The following MYRF variants were observed in gnomAD, a reference collection of about 807,000 sequenced individuals.
MYRF encodes the protein myelin regulatory factor, also known as myelin gene regulatory factor.
MYRF carries 16 observed loss-of-function variants against 126.3 expected under a neutral mutation model. That is an observed-to-expected ratio of 0.13 (90% confidence interval 0.09 to 0.19). MYRF has a LOEUF of 0.19. MYRF is among the 10% of genes least tolerant of loss of function. The probability of loss-of-function intolerance (pLI) is 1.00; values close to 1 mark genes in which losing one functional copy is unlikely to be tolerated. For missense variants in MYRF, 1,104 were observed against 1,547.0 expected (o/e 0.71, Z 4.80); for synonymous variants, 608 against 635.3 (o/e 0.96, Z 0.65).
chr11:61,775,372 C>T (rs2066348040), intron 8 of MYRF, among the ~76,000 whole-genome samples: 1 of 152,228 alleles, frequency 6.6e-6, no homozygotes, highest in East Asian at 1.9e-4. Context: ...GATGCCCTTC[C>T]CAACACCCAT....
chr11:61,773,545 A>G (rs1188041770), intron 7 of MYRF, among the ~76,000 whole-genome samples: 2 of 152,188 alleles, frequency 1.3e-5, no homozygotes, highest in Non-Finnish European at 2.9e-5. Flanking sequence ...CAGGGCAACT[A>G]GCTGTCAGGC....
intron 1 of MYRF, chr11:61,755,609 G>T: frequency 1.2e-6 from 1 of 855,550 alleles, no homozygotes; most frequent in Non-Finnish European, 2.0e-6. Context: ...AAGAGCTCTT[G>T]CCCTCTTTAA....
chr11:61,763,287 G>A (rs1332269529), intron 1 of MYRF, among the ~76,000 whole-genome samples: 1 of 152,168 alleles, frequency 6.6e-6, no homozygotes, highest in Non-Finnish European at 1.5e-5. Flanking sequence ...AACAGGGGAT[G>A]GTGATTATGT....
intron 5 of MYRF, among the ~76,000 whole-genome samples, chr11:61,770,985 A>T (rs2066203800): frequency 6.6e-6 from 1 of 152,206 alleles, no homozygotes; most frequent in Admixed American, 6.5e-5. Context: ...TGGAGATTCC[A>T]TGAAAGGTTT....
chr11:61,760,733 T>G (rs892619890), intron 1 of MYRF, among the ~76,000 whole-genome samples: 5 of 152,134 alleles, frequency 3.3e-5, no homozygotes, highest in African/African-American at 1.2e-4. Flanking sequence ...TAAGGTTCAC[T>G]CCATGGCAGG....
Position 61,783,400 on chromosome 11 carries a change from C to T in MYRF, c.3017-98C>T, listed in dbSNP as rs1005478403. On this transcript the variant is annotated intron_variant, in intron 22 of 26. Coordinates refer to ENST00000278836, the MANE Select transcript of MYRF (RefSeq NM_001127392.3). This position sits in a 1 kb window ranked among gnomAD's most constrained non-coding sequence, Gnocchi z 4.6. ...GGAAAAAAATAACCTGGAACTTATT[C>T]ATACTAAGGTGTGAGTGACTGCTTC... 2.3e-6 allele frequency: 2 copies of T among 885,876 alleles called. No individual in the cohort carries two copies. The highest frequency in any genetic ancestry group is 3.7e-6 in the Non-Finnish European group (2 of 547,434). 54.9% of individuals were successfully genotyped at this position (885,876 alleles called of 1,614,324 possible).
chr11:61,769,579 C>T lies in MYRF; in HGVS notation c.460+258C>T, dbSNP rs73487440. ...GCGCCATCATGGACGCACCCTTCGG[C>T]GGTAAGTGGGTGGCTGGGGAAGGCC... is the stretch of plus-strand genomic sequence containing the variant. On this transcript the variant is annotated intron_variant, in intron 4 of 26. Transcript: ENST00000278836. Among the ~76,000 whole-genome samples the T allele has an allele frequency of 4.8e-3, 730 of 152,288 alleles. 8 individuals are homozygous for T. Among genetic ancestry groups the T allele is most frequent in the African/African-American group, 0.017 (687 of 41,566 alleles).
intron 8 of MYRF, 72 bp downstream of exon 8, chr11:61,774,234 G>A (rs2066310592): frequency 7.2e-7 from 1 of 1,384,668 alleles, no homozygotes; most frequent in South Asian, 1.4e-5. Flanking sequence ...CCCAGAAAAA[G>A]CAAGCGTTGG....
At chr11:61,766,367 G>A (rs1221352123) in intron 3 of MYRF, 146 bp downstream of exon 3, 1 of 868,158 alleles carries the variant, frequency 1.2e-6, no homozygotes. Flanking sequence ...TGAGGGAAGG[G>A]AGGATGAGTC....
At position 61,776,503 on chromosome 11, in the gene MYRF, C is replaced by T. The variant is rs909561013; in HGVS notation, c.1499+71C>T. On this transcript the variant is annotated intron_variant, in intron 10 of 26. Coordinates refer to ENST00000278836, the MANE Select transcript of MYRF (RefSeq NM_001127392.3). The surrounding 1 kb of genome is among the most constrained non-coding windows in gnomAD (Gnocchi z 4.3). ...CAGGAAGACACTGCCCTGGGTGGCA[C>T]ACCAGGCACAGAGTCCTACAGGCTG... 7.6e-5 allele frequency: 98 copies of T among 1,293,822 alleles called. No homozygotes were observed. Among genetic ancestry groups the T allele is most frequent in the Non-Finnish European group, 1.0e-4 (91 of 913,880 alleles). 80.1% of individuals were successfully genotyped at this position (1,293,822 alleles called of 1,614,324 possible).
intron 2 of MYRF, 98 bp from the exon 3 acceptor site, chr11:61,765,857 ACTC>A (rs991264637): frequency 6.9e-7 from 1 of 1,441,040 alleles, no homozygotes; most frequent in African/African-American, 1.4e-5. Flanking sequence ...CCAGCCACTG[ACTC>A]CTCCGAAATC....
At chr11:61,772,457 G>A (rs1365213326) in intron 7 of MYRF, among the ~76,000 whole-genome samples, 1 of 152,272 alleles carries the variant, frequency 6.6e-6, no homozygotes, top group Non-Finnish European at 1.5e-5. Context: ...CAGAAGGCCA[G>A]TGGGCAGGTG....
intron 22 of MYRF, chr11:61,782,435 G>A (rs1001694369): frequency 1.3e-5 from 2 of 152,286 alleles, no homozygotes; most frequent in Admixed American, 1.3e-4. Context: ...TTACAGAGAT[G>A]GAAATTCAAT....
In MYRF at chr11:61,783,506, C is replaced by CT. The variant is rs2066608842; in HGVS notation, c.3027dup (p.Ala1010CysfsTer43). Reference sequence around the variant, plus strand: ...TACTCCTGCCCCAACAGCCTCTCTCCTTGCAGAGCCAGTGCCCTCCCTGAC... The same window carrying CT: ...TACTCCTGCCCCAACAGCCTCTCTCCTTTGCAGAGCCAGTGCCCTCCCTGAC... On this transcript the variant is annotated frameshift_variant, in exon 23 of 27. Coordinates refer to ENST00000278836, the MANE Select transcript of MYRF (RefSeq NM_001127392.3). LOFTEE classifies it high-confidence loss of function. This position sits in a 1 kb window ranked among gnomAD's most constrained non-coding sequence, Gnocchi z 4.6. 6.2e-7 allele frequency: 1 copy of CT among 1,613,520 alleles called. No homozygotes were observed. The highest frequency in any genetic ancestry group is 1.3e-5 in the African/African-American group (1 of 74,922).
Position 61,783,459 on chromosome 11 carries a change from T to C in MYRF, c.3017-39T>C. The stretch of plus-strand genomic sequence containing the variant: ...CAAGGAAAGACTTGCCAGCTTCTCA[T>C]TTGTGTCCTGCCTTGTCACCTTACT... On this transcript the variant is annotated intron_variant, in intron 22 of 26. Transcript: ENST00000278836. The surrounding 1 kb of genome is among the most constrained non-coding windows in gnomAD (Gnocchi z 4.6). 1 of 1,519,490 alleles carries C rather than the reference T, an allele frequency of 6.6e-7. No homozygotes were observed. The highest frequency in any genetic ancestry group is 9.1e-7 in the Non-Finnish European group (1 of 1,097,116). 94.1% of individuals were successfully genotyped at this position (1,519,490 alleles called of 1,614,324 possible).
At position 61,766,198 on chromosome 11, in the gene MYRF, G is replaced by C; in HGVS notation, c.375G>C (p.Glu125Asp). Residue 125 changes from glutamate to aspartate, a missense_variant, in exon 3 of 27, where the codon GAG becomes GAC. Physicochemically the swap from Glu to Asp is conservative, Grantham distance 45. Around this residue, in one of 10 missense-constraint regions of MYRF, gnomAD observed 368 missense variants for 403.9 expected, o/e 0.91. Transcript: ENST00000278836. The stretch of plus-strand genomic sequence containing the variant: ...GCACCGGGCCCCCCATCAAGGCTGA[G>C]CCCAAGGCTCCCTATGCCCCAGGGT... Reference protein sequence around the residue: ...PGGTGPPIKAEPKAPYAPGTL... With the variant: ...PGGTGPPIKADPKAPYAPGTL... The C allele has an allele frequency of 6.2e-7, 1 of 1,609,312 alleles. No individual in the cohort carries two copies. Among genetic ancestry groups the C allele is most frequent in the Non-Finnish European group, 8.5e-7 (1 of 1,178,912 alleles).
intron 1 of MYRF, among the ~76,000 whole-genome samples, chr11:61,753,685 T>C (rs185245546): frequency 1.6e-4 from 24 of 151,540 alleles, no homozygotes; most frequent in Non-Finnish European, 3.1e-4. Flanking sequence ...TGGGGTGGAA[T>C]TGACATACAC....
chr11:61,777,218 T>C lies in MYRF; in HGVS notation c.1591-46T>C. ...CCCCCTGCTCCCAGGGCCCTGCAGG[T>C]CCCCTCCCTATCCCCCAGGACTGAT... On this transcript the variant is annotated intron_variant, in intron 11 of 26. Transcript: ENST00000278836. This position sits in a 1 kb window ranked among gnomAD's most constrained non-coding sequence, Gnocchi z 8.8. 6.3e-7 allele frequency: 1 copy of C among 1,578,864 alleles called. No individual in the cohort carries two copies. The highest frequency in any genetic ancestry group is 1.9e-4 in the Middle Eastern group (1 of 5,252).
intron 8 of MYRF, among the ~76,000 whole-genome samples, chr11:61,775,566 G>A (rs1278837587): frequency 2.0e-5 from 3 of 152,188 alleles, no homozygotes; most frequent in Non-Finnish European, 4.4e-5. Flanking sequence ...ACCTTGGCAT[G>A]GCTCTGCCAG....
Sources: allele counts gnomAD v4.1 joint callset (sites outside exome capture counted in the v4.1 genomes callset), GRCh38; gene constraint gnomAD v4.1.1; regional missense constraint gnomAD v4.1.1; non-coding constraint Gnocchi (gnomAD v3.1); transcripts MANE v1.5; gene names NCBI Gene and HGNC (gene_info 2026-07-23, HGNC 2026-07-21).